The following PLEKHA8 variants were observed in gnomAD, a reference collection of about 807,000 sequenced individuals.
PLEKHA8 encodes pleckstrin homology domain-containing family A member 8.
A neutral mutation model predicts 68.2 loss-of-function variants in PLEKHA8; 36 were observed. The observed-to-expected ratio is 0.53, with a 90% CI of 0.40 to 0.70. PLEKHA8 has a LOEUF of 0.70. PLEKHA8 is among the 30% of genes least tolerant of loss of function. The probability of loss-of-function intolerance (pLI) is 0.00; values close to 1 mark genes in which losing one functional copy is unlikely to be tolerated. For synonymous variants in PLEKHA8, 211 were observed against 216.1 expected, an observed-to-expected ratio of 0.98 and a Z score of 0.20; for missense variants, 505 against 615.4, an observed-to-expected ratio of 0.82 and a Z score of 1.90.
At chr7:30,116,268 A>G (rs1434909499) in intron 13 of PLEKHA8, among the ~76,000 whole-genome samples, 3 of 151,212 alleles carry the variant, frequency 2.0e-5, no homozygotes, top group African/African-American at 7.3e-5. Context: ...ACATGCATAC[A>G]TGTATGTATG....
At chr7:30,101,837 AATAG>A (rs1332158682) in intron 13 of PLEKHA8, among the ~76,000 whole-genome samples, 1 of 152,202 alleles carries the variant, frequency 6.6e-6, no homozygotes, top group Non-Finnish European at 1.5e-5. Context: ...TCAGTTCTCA[AATAG>A]ATCTCAAGGT....
At position 30,129,063 on chromosome 7, in the gene PLEKHA8, G is replaced by A. The variant is rs111363738; in HGVS notation, c.1363-203G>A. On this transcript the variant is annotated intron_variant, in intron 13 of 13. Transcript: ENST00000396257. ...GAAGTTTCAACACGAGGCTTGGAGGGTCAAATATTCAAACTATAGCACCCT... is the reference window on the plus strand; with the variant it reads ...GAAGTTTCAACACGAGGCTTGGAGGATCAAATATTCAAACTATAGCACCCT... 4.4e-4 allele frequency among the ~76,000 whole-genome samples: 67 copies of A among 152,274 alleles called. 1 individual carries two copies. The highest frequency in any genetic ancestry group is 3.4e-3 in the Middle Eastern group (1 of 294).
At chr7:30,109,517 G>A (rs1002552691) in intron 13 of PLEKHA8, among the ~76,000 whole-genome samples, 5 of 149,230 alleles carry the variant, frequency 3.4e-5, no homozygotes, top group African/African-American at 1.2e-4. Context: ...GAACCCGGGA[G>A]GTGGAGGTTG....
chr7:30,116,238 G>A (rs1246016305), intron 13 of PLEKHA8, among the ~76,000 whole-genome samples: 1 of 148,072 alleles, frequency 6.8e-6, no homozygotes, highest in Non-Finnish European at 1.5e-5. Flanking sequence ...ATACATGTAT[G>A]CGTATACATG....
intron 12 of PLEKHA8, among the ~76,000 whole-genome samples, chr7:30,070,828 G>A (rs2127993862): frequency 6.6e-6 from 1 of 152,334 alleles, no homozygotes; most frequent in East Asian, 1.9e-4. Flanking sequence ...ATAGGCGTGA[G>A]CCACCACCGT....
intron 12 of PLEKHA8, among the ~76,000 whole-genome samples, chr7:30,073,228 T>G (rs1278333508): frequency 6.6e-6 from 1 of 152,150 alleles, no homozygotes; most frequent in Non-Finnish European, 1.5e-5. Flanking sequence ...TCCATAAATA[T>G]TTTTGAAGGT....
At chr7:30,108,083 A>AAAAAAAAAAAAAAAAAAAAAAAAAC (rs780069387) in intron 13 of PLEKHA8, among the ~76,000 whole-genome samples, 108 of 144,394 alleles carry the variant, frequency 7.5e-4, no homozygotes, top group Non-Finnish European at 1.4e-3. Flanking sequence ...AAAAAAAAAA[A>AAAAAAAAAAAAAAAAAAAAAAAAAC]AAAAAAAAAC....
In PLEKHA8 at chr7:30,084,196, A is replaced by C. The variant is rs568897652; in HGVS notation, c.*5409A>C. On this transcript the variant is annotated 3_prime_UTR_variant, in exon 14 of 14. Coordinates refer to ENST00000449726, the MANE Select transcript of PLEKHA8 (RefSeq NM_001197026.2). ...AGAAACATGATAGACCAGATGCCAA[A>C]GGCTAAAATGTACATAGATTTCCTT... 8.8e-5 allele frequency: 87 copies of C among 985,338 alleles called. No homozygotes were observed. In the African/African-American group the frequency reaches 1.5e-3, roughly 17 times the overall value. 61.0% of individuals were successfully genotyped at this position (985,338 alleles called of 1,614,324 possible).
At chr7:30,053,225 G>A (rs1277067740) in intron 7 of PLEKHA8, among the ~76,000 whole-genome samples, 2 of 152,058 alleles carry the variant, frequency 1.3e-5, no homozygotes, top group African/African-American at 2.4e-5. Context: ...TCATCCTCCC[G>A]GTTTCTGTTG....
intron 1 of PLEKHA8, among the ~76,000 whole-genome samples, chr7:30,030,975 G>T (rs533559852): frequency 2.0e-5 from 3 of 152,206 alleles, no homozygotes; most frequent in Admixed American, 2.0e-4. Flanking sequence ...TGTTCATTCT[G>T]AATTTTTCTC....
At chr7:30,041,004 T>G (rs1426542018) in intron 1 of PLEKHA8, among the ~76,000 whole-genome samples, 1 of 152,256 alleles carries the variant, frequency 6.6e-6, no homozygotes, top group African/African-American at 2.4e-5. Flanking sequence ...TGATCATTTC[T>G]GAGATAACTG....
At chr7:30,086,098 G>A (rs1583453450), downstream of PLEKHA8, among the ~76,000 whole-genome samples, 1 of 152,090 alleles carries the variant, frequency 6.6e-6, no homozygotes, top group Non-Finnish European at 1.5e-5. Context: ...TCACTGTGAC[G>A]AGCTTATCTG....
chr7:30,102,353 A>C (rs940042818), intron 13 of PLEKHA8, among the ~76,000 whole-genome samples: 1 of 152,262 alleles, frequency 6.6e-6, no homozygotes, highest in African/African-American at 2.4e-5. Flanking sequence ...CTGCTGTGGA[A>C]GCACTTTAAC....
At chr7:30,071,345 T>C (rs960494789) in intron 12 of PLEKHA8, among the ~76,000 whole-genome samples, 16 of 152,174 alleles carry the variant, frequency 1.1e-4, no homozygotes, top group African/African-American at 3.4e-4. Flanking sequence ...CAGCATGCCA[T>C]GAGCTCTCAC....
chr7:30,075,489 T>C (rs552691779), intron 13 of PLEKHA8, among the ~76,000 whole-genome samples: 2 of 152,326 alleles, frequency 1.3e-5, no homozygotes, highest in East Asian at 1.9e-4. Context: ...AGTCCCCAAG[T>C]ACCAGAGTGA....
At chr7:30,049,146 A>C in intron 4 of PLEKHA8, 78 bp from the exon 5 acceptor site, 1 of 1,545,078 alleles carries the variant, frequency 6.5e-7, no homozygotes, top group Non-Finnish European at 8.9e-7. Flanking sequence ...TTTGTGGGCA[A>C]CCTCTAAGGA....
At chr7:30,058,294 A>G (rs868551884) in intron 9 of PLEKHA8, among the ~76,000 whole-genome samples, 2 of 152,076 alleles carry the variant, frequency 1.3e-5, no homozygotes, top group African/African-American at 4.8e-5. Flanking sequence ...TTAAATTTCC[A>G]TGAAGTCCAG....
chr7:30,122,513 G>A lies in PLEKHA8; in HGVS notation c.1363-6753G>A, dbSNP rs547274926. On this transcript the variant is annotated intron_variant, in intron 13 of 13. Transcript: ENST00000396257. ...CTTGCACTTGTATGTATAGAAAAAC[G>A]ACCACAATGTAACTGTTGAAATAAA... Among the ~76,000 whole-genome samples the A allele has an allele frequency of 3.9e-5, 6 of 152,186 alleles. No homozygotes were observed. In the South Asian group the frequency reaches 6.2e-4, roughly 16 times the overall value.
At chr7:30,106,383 A>T (rs1431683070) in intron 13 of PLEKHA8, among the ~76,000 whole-genome samples, 1 of 152,138 alleles carries the variant, frequency 6.6e-6, no homozygotes, top group Non-Finnish European at 1.5e-5. Flanking sequence ...TCTTTAAACC[A>T]TCTGGAAGTT....
Sources: allele counts gnomAD v4.1 joint callset (sites outside exome capture counted in the v4.1 genomes callset), GRCh38; gene constraint gnomAD v4.1.1; transcripts MANE v1.5; gene names NCBI Gene and HGNC (gene_info 2026-07-23, HGNC 2026-07-21).